Variants in LEPR observed in about 807,000 individuals in gnomAD.
The protein encoded by LEPR is OB receptor.
LEPR carries 56 observed loss-of-function variants against 114.7 expected under a neutral mutation model. The observed-to-expected ratio is 0.49, with a 90% CI of 0.39 to 0.61. The LOEUF (loss-of-function observed/expected upper bound fraction) is 0.61, where lower values mean the gene tolerates loss of function less well. LEPR is among the 20% of genes least tolerant of loss of function. The pLI, the probability that LEPR is intolerant of heterozygous loss-of-function variation, is 0.00. For synonymous variants in LEPR, 443 were observed against 461.4 expected, an observed-to-expected ratio of 0.96 and a Z score of 0.51; for missense variants, 1,202 against 1,352.9, an observed-to-expected ratio of 0.89 and a Z score of 1.75.
intron 8 of LEPR, among the ~76,000 whole-genome samples, chr1:65,600,712 G>A (rs1656390005): frequency 6.6e-6 from 1 of 151,918 alleles, no homozygotes; most frequent in Admixed American, 6.6e-5. Context: ...AAATAGTATA[G>A]AATCATGTGT....
intron 2 of LEPR, among the ~76,000 whole-genome samples, chr1:65,499,756 T>C (rs1221385229): frequency 6.6e-6 from 1 of 152,168 alleles, no homozygotes; most frequent in African/African-American, 2.4e-5. Context: ...CAGTATTCCT[T>C]GTCTACAGCT....
Position 65,637,561 on chromosome 1 carries a change from A to T in LEPR, c.*546A>T, listed in dbSNP as rs1658757730. 1 of 152,690 alleles carries T rather than the reference A, an allele frequency of 6.5e-6. No individual in the cohort carries two copies. Among genetic ancestry groups the T allele is most frequent in the Non-Finnish European group, 1.5e-5 (1 of 68,364 alleles). 9.5% of individuals were successfully genotyped at this position (152,690 alleles called of 1,614,324 possible). ...AATTGTTATGTACCAAATCTAAGAT[A>T]TGTACCATAGAATGAAATAACCTGC... is the stretch of plus-strand genomic sequence containing the variant. On this transcript the variant is annotated 3_prime_UTR_variant, in exon 20 of 20. Transcript: ENST00000349533.
At chr1:65,485,126 C>G (rs1028572230) in intron 2 of LEPR, among the ~76,000 whole-genome samples, 3 of 152,120 alleles carry the variant, frequency 2.0e-5, no homozygotes, top group Non-Finnish European at 2.9e-5. Flanking sequence ...TCCATCCATG[C>G]CACTCACTGT....
chr1:65,430,969 G>A (rs954638371), intron 2 of LEPR, among the ~76,000 whole-genome samples: 7 of 152,192 alleles, frequency 4.6e-5, no homozygotes, highest in African/African-American at 1.7e-4. Context: ...GTGTAAGAAT[G>A]CAGTATATAG....
intron 2 of LEPR, among the ~76,000 whole-genome samples, chr1:65,467,208 G>T (rs1031392313): frequency 9.2e-5 from 14 of 152,088 alleles, no homozygotes; most frequent in African/African-American, 3.4e-4. Flanking sequence ...CTACTGATGG[G>T]ATTTTGGTGT....
chr1:65,580,403 A>G (rs1211367243), intron 5 of LEPR, among the ~76,000 whole-genome samples: 1 of 152,230 alleles, frequency 6.6e-6, no homozygotes, highest in Non-Finnish European at 1.5e-5. Flanking sequence ...AAATGCTTCC[A>G]TGTGTAAAAA....
intron 2 of LEPR, among the ~76,000 whole-genome samples, chr1:65,519,670 T>C (rs1184886194): frequency 6.6e-6 from 1 of 151,948 alleles, no homozygotes; most frequent in East Asian, 2.0e-4. Context: ...CTAACAACTC[T>C]ACTTCCTCAG....
chr1:65,481,076 T>C (rs1647224596), intron 2 of LEPR, among the ~76,000 whole-genome samples: 1 of 152,188 alleles, frequency 6.6e-6, no homozygotes, highest in South Asian at 2.1e-4. Context: ...GAGGCCTCTC[T>C]CCTTGGCTTG....
intron 2 of LEPR, among the ~76,000 whole-genome samples, chr1:65,430,592 T>C (rs1236404510): frequency 6.6e-6 from 1 of 152,242 alleles, no homozygotes; most frequent in African/African-American, 2.4e-5. Flanking sequence ...CTATTCACTG[T>C]CTTTCCTACT....
intron 5 of LEPR, among the ~76,000 whole-genome samples, chr1:65,590,301 C>T (rs561018573): frequency 2.7e-4 from 23 of 84,338 alleles, no homozygotes; most frequent in East Asian, 7.8e-4. Context: ...GTAGCAATAT[C>T]GTGCTTTCAG....
intron 2 of LEPR, among the ~76,000 whole-genome samples, chr1:65,439,673 C>T (rs1570451714): frequency 6.6e-6 from 1 of 151,990 alleles, no homozygotes; most frequent in South Asian, 2.1e-4. Context: ...AAAAAATTAG[C>T]TGGGTGTGGT....
At position 65,633,808 on chromosome 1, in the gene LEPR, TC is replaced by T; in HGVS notation, c.2674-2381del. 4 of 985,662 alleles carry T rather than the reference TC, an allele frequency of 4.1e-6. No individual in the cohort carries two copies. Among genetic ancestry groups the T allele is most frequent in the Non-Finnish European group, 4.8e-6 (4 of 830,158 alleles). The allele number at this position is 985,662 out of a possible 1,614,324, so 61.1% of individuals were successfully genotyped here. On this transcript the variant is annotated intron_variant, in intron 19 of 19. Transcript: ENST00000349533. This position sits in a 1 kb window ranked among gnomAD's most constrained non-coding sequence, Gnocchi z 4.1. The stretch of plus-strand genomic sequence containing the variant: ...CTTGAAAATGGCTTAAGTGATAACT[TC>T]CGTTTCAGTTAAAAGGAAGCCCGAA...
At chr1:65,504,473 CACTTA>C (rs1409003057) in intron 2 of LEPR, among the ~76,000 whole-genome samples, 1 of 152,200 alleles carries the variant, frequency 6.6e-6, no homozygotes, top group Non-Finnish European at 1.5e-5. Context: ...ATGGAAATGA[CACTTA>C]ACTTCTGTGG....
chr1:65,526,627 C>A (rs570095299), intron 2 of LEPR, among the ~76,000 whole-genome samples: 1 of 152,126 alleles, frequency 6.6e-6, no homozygotes, highest in Non-Finnish European at 1.5e-5. Context: ...TACCCTTTCA[C>A]GGCTCTGGAA....
chr1:65,565,501 T>C (rs1468747807), intron 2 of LEPR, 45 bp from the exon 3 acceptor site: 9 of 1,592,056 alleles, frequency 5.7e-6, no homozygotes, highest in Non-Finnish European at 7.7e-6. Flanking sequence ...TATATATGTG[T>C]TTTTGTTTTT....
At chr1:65,482,235 TATATC>T (rs1170300533) in intron 2 of LEPR, among the ~76,000 whole-genome samples, 3 of 152,106 alleles carry the variant, frequency 2.0e-5, no homozygotes, top group Non-Finnish European at 4.4e-5. Context: ...TAATAGAAGA[TATATC>T]ATATGTATGA....
intron 2 of LEPR, among the ~76,000 whole-genome samples, chr1:65,515,309 C>G (rs912620364): frequency 1.3e-5 from 2 of 152,178 alleles, no homozygotes; most frequent in Admixed American, 1.3e-4. Context: ...TTAGTTTAAA[C>G]TTTATCCTGT....
intron 2 of LEPR, among the ~76,000 whole-genome samples, chr1:65,503,748 G>A (rs1648579299): frequency 6.6e-6 from 1 of 150,856 alleles, no homozygotes; most frequent in African/African-American, 2.4e-5. Context: ...AGGTACAGAC[G>A]TTTACATATA....
intron 2 of LEPR, among the ~76,000 whole-genome samples, chr1:65,450,169 A>G (rs935769784): frequency 5.3e-5 from 8 of 152,144 alleles, no homozygotes; most frequent in African/African-American, 1.4e-4. Context: ...AATGTGGTCT[A>G]TCTTGCTAAA....
Sources: gnomAD v4.1 joint callset for allele counts (sites outside exome capture counted in the v4.1 genomes callset) on GRCh38, gnomAD v4.1.1 for gene constraint, Gnocchi (gnomAD v3.1) non-coding constraint, MANE v1.5 for transcripts, NCBI Gene and HGNC (gene_info 2026-07-23, HGNC 2026-07-21) for gene names.